The following ATP1A2 variants were observed in gnomAD, a reference collection of about 807,000 sequenced individuals.
ATP1A2 encodes the protein sodium/potassium-transporting ATPase subunit alpha-2.
A neutral mutation model predicts 113.1 loss-of-function variants in ATP1A2; 56 were observed. That is an observed-to-expected ratio of 0.49 (90% CI 0.40 to 0.62). ATP1A2 has a LOEUF of 0.62. Ranked by LOEUF, ATP1A2 falls within the 20% of genes least tolerant of loss-of-function variation. ATP1A2 has a pLI of 0.00. For synonymous variants in ATP1A2, 490 were observed against 526.8 expected, an observed-to-expected ratio of 0.93 and a Z score of 0.96; for missense variants, 712 against 1,357.8, an observed-to-expected ratio of 0.52 and a Z score of 7.47.
chr1:160,122,741 T>C (rs1651454530), intron 3 of ATP1A2, among the ~76,000 whole-genome samples: 1 of 152,068 alleles, frequency 6.6e-6, no homozygotes, highest in Non-Finnish European at 1.5e-5. Flanking sequence ...AAGGATTGCT[T>C]TAGCCCAGGG....
chr1:160,138,291 T>G (rs180831521), intron 20 of ATP1A2, among the ~76,000 whole-genome samples: 1 of 152,338 alleles, frequency 6.6e-6, no homozygotes. Flanking sequence ...CTTACTAATG[T>G]GTCATTCTTA....
intron 7 of ATP1A2, among the ~76,000 whole-genome samples, chr1:160,126,492 C>G (rs1401399784): frequency 3.3e-5 from 5 of 152,136 alleles, no homozygotes; most frequent in Admixed American, 3.3e-4. Flanking sequence ...GCTTTTGAGA[C>G]AAGATCTTGC....
rs866341226 is a variant in ATP1A2 at position 160,124,302 on chromosome 1, C to T, written c.502C>T (p.Leu168Phe). Residue 168 changes from leucine to phenylalanine, a missense_variant, in exon 6 of 23, where the codon CTT (leucine) becomes TTT (phenylalanine). Around this residue, in one of 6 missense-constraint regions of ATP1A2, gnomAD observed 99 missense variants for 180.4 expected, o/e 0.55. Transcript: ENST00000361216. ...SFKNMVPQQA[L>F]VIREGEKMQI... ...TGCCTGTGGCTCCCCACAGCAAGCC[C>T]TTGTGATCCGGGAGGGAGAGAAGAT... 6 of 1,603,204 alleles carry T rather than the reference C, an allele frequency of 3.7e-6. No homozygotes were observed. The highest frequency in any genetic ancestry group is 3.4e-5 in the South Asian group (3 of 89,150).
intron 13 of ATP1A2, among the ~76,000 whole-genome samples, chr1:160,131,332 T>G (rs1346162507): frequency 6.6e-6 from 1 of 152,198 alleles, no homozygotes; most frequent in Non-Finnish European, 1.5e-5. Context: ...ATTTTTCCTT[T>G]TTTACAAAGA....
intron 4 of ATP1A2, 58 bp from the exon 5 acceptor site, chr1:160,123,885 G>A: frequency 6.6e-7 from 1 of 1,509,386 alleles, no homozygotes. Flanking sequence ...CCAAGTGGCA[G>A]CTGCCCCTTT....
intron 22 of ATP1A2, 24 bp downstream of exon 22, chr1:160,140,008 A>G: frequency 6.2e-7 from 1 of 1,608,926 alleles, no homozygotes; most frequent in Non-Finnish European, 8.5e-7. Context: ...CATTCCCCCC[A>G]GCAAAGTGCA....
Position 160,123,228 on chromosome 1 carries a change from C to T in ATP1A2, c.193C>T (p.Arg65Trp), listed in dbSNP as rs121918619. The change falls in exon 4 of 23, where the codon CGG becomes TGG. Residue 65 changes from arginine to tryptophan, a missense_variant. Physicochemically the swap from Arg to Trp is moderately radical, Grantham distance 101. Transcript: ENST00000361216. ...VDLSKGLTNQ[R>W]AQDVLARDGP... ...GCTCCCTCAGGGCCTCACCAACCAG[C>T]GGGCTCAGGACGTTCTGGCTCGAGA... The T allele has an allele frequency of 8.1e-5, 130 of 1,614,074 alleles. No individual in the cohort carries two copies. The highest frequency in any genetic ancestry group is 1.6e-4 in the Middle Eastern group (1 of 6,080).
chr1:160,133,236 G>T (rs551782713), intron 13 of ATP1A2, among the ~76,000 whole-genome samples: 2 of 152,114 alleles, frequency 1.3e-5, no homozygotes, highest in African/African-American at 2.4e-5. Flanking sequence ...GGTCAACGGT[G>T]CCAAATGCCT....
At chr1:160,139,605 C>T in intron 20 of ATP1A2, 35 bp from the exon 21 acceptor site, 1 of 1,593,596 alleles carries the variant, frequency 6.3e-7, no homozygotes, top group Non-Finnish European at 8.6e-7. Context: ...TCCATGATCC[C>T]CCTTCACCTG....
Position 160,143,183 on chromosome 1 carries a change from G to A in ATP1A2, c.*1861G>A, listed in dbSNP as rs1300622185. ...CCAAAGGCTGTCATTTCATTGCACT[G>A]GAATTTTGCTTTATCAGAAGCAAGG... is the stretch of plus-strand genomic sequence containing the variant. On this transcript the variant is annotated 3_prime_UTR_variant, in exon 23 of 23. Coordinates refer to ENST00000361216, the MANE Select transcript of ATP1A2 (RefSeq NM_000702.4). 1 of 152,208 alleles carries A rather than the reference G, an allele frequency of 6.6e-6. No individual in the cohort carries two copies. 9.4% of individuals were successfully genotyped at this position (152,208 alleles called of 1,614,324 possible).
chr1:160,132,583 A>G (rs1651806316), intron 13 of ATP1A2, among the ~76,000 whole-genome samples: 1 of 152,192 alleles, frequency 6.6e-6, no homozygotes, highest in Non-Finnish European at 1.5e-5. Flanking sequence ...AAGATACAGG[A>G]GAGAAGGGGA....
At chr1:160,137,087 C>T in intron 20 of ATP1A2, 56 bp downstream of exon 20, 1 of 1,612,974 alleles carries the variant, frequency 6.2e-7, no homozygotes, top group Admixed American at 1.7e-5. Flanking sequence ...CACTCACCAA[C>T]CCACACAGGC....
rs549537428 is a variant in ATP1A2 at position 160,124,497 on chromosome 1, G to T, written c.630+67G>T. 16 of 1,555,552 alleles carry T rather than the reference G, an allele frequency of 1.0e-5. No homozygotes were observed. The Admixed American group carries it at 2.9e-4, about 28-fold the overall frequency. ...AAGGCTGTGTGCAGAGCTGAGAGGG[G>T]CCCAGTGAGGTTTAAAGGTGGAGAG... On this transcript the variant is annotated intron_variant, in intron 6 of 22. Transcript: ENST00000361216.
chr1:160,134,904 A>G (rs1236295553), intron 14 of ATP1A2, among the ~76,000 whole-genome samples: 1 of 152,228 alleles, frequency 6.6e-6, no homozygotes, highest in African/African-American at 2.4e-5. Flanking sequence ...GTGAGTAAAG[A>G]AACTAGCCCA....
rs72633673 is a variant in ATP1A2 at position 160,120,895 on chromosome 1, T to C, written c.13-11T>C. The C allele has an allele frequency of 1.4e-5, 1 of 73,886 alleles. No individual in the cohort carries two copies. The highest frequency in any genetic ancestry group is 2.9e-5 in the Non-Finnish European group (1 of 34,958). 4.6% of individuals were successfully genotyped at this position (73,886 alleles called of 1,614,324 possible). A position where few individuals can be genotyped will look rare whatever the true frequency, so the allele number is the denominator to read the frequency against. ...CTTCCCTGACTCTCTGGCTCTCCCTTCCTCCCTCAGGCTGGCCGTGAGTAC... is the reference window on the plus strand; with the variant it reads ...CTTCCCTGACTCTCTGGCTCTCCCTCCCTCCCTCAGGCTGGCCGTGAGTAC... On this transcript the variant is annotated splice_polypyrimidine_tract_variant and intron_variant, in intron 1 of 22. Transcript: ENST00000361216.
chr1:160,138,706 T>C (rs1403888470), intron 20 of ATP1A2, among the ~76,000 whole-genome samples: 1 of 152,092 alleles, frequency 6.6e-6, no homozygotes, highest in Non-Finnish European at 1.5e-5. Context: ...CAGGGCGTGG[T>C]GGCACACACC....
chr1:160,137,314 C>A, intron 20 of ATP1A2: 1 of 475,160 alleles, frequency 2.1e-6, no homozygotes, highest in Middle Eastern at 5.9e-4. Context: ...CTGCTCCTAT[C>A]CTTTGCCCAG....
chr1:160,136,898 C>T lies in ATP1A2; in HGVS notation c.2710-3C>T. On this transcript the variant is annotated splice_region_variant and splice_polypyrimidine_tract_variant and intron_variant, in intron 19 of 22. Coordinates refer to ENST00000361216, the MANE Select transcript of ATP1A2 (RefSeq NM_000702.4). Reference sequence around the variant, plus strand: ...CATCTGTCTCTGCCCACCCTCCCTCCAGACCTATGAGCAGCGGAAGGTGGT... The same window carrying T: ...CATCTGTCTCTGCCCACCCTCCCTCTAGACCTATGAGCAGCGGAAGGTGGT... 1 of 1,614,176 alleles carries T rather than the reference C, an allele frequency of 6.2e-7. No individual in the cohort carries two copies. Among genetic ancestry groups the T allele is most frequent in the Non-Finnish European group, 8.5e-7 (1 of 1,180,028 alleles).
In ATP1A2 at chr1:160,120,886, GCTCT is replaced by G; in HGVS notation, c.13-18_13-15del. ...AGCCCCTCTCTTCCCTGACTCTCTGGCTCTCCCTTCCTCCCTCAGGCTGGCCGTG... is the reference window on the plus strand; with the variant it reads ...AGCCCCTCTCTTCCCTGACTCTCTGGCCCTTCCTCCCTCAGGCTGGCCGTG... On this transcript the variant is annotated splice_polypyrimidine_tract_variant and intron_variant, in intron 1 of 22. Coordinates refer to ENST00000361216, the MANE Select transcript of ATP1A2 (RefSeq NM_000702.4). The G allele has an allele frequency of 6.7e-7, 1 of 1,483,688 alleles. No homozygotes were observed. The highest frequency in any genetic ancestry group is 9.0e-7 in the Non-Finnish European group (1 of 1,111,284). 91.9% of individuals were successfully genotyped at this position (1,483,688 alleles called of 1,614,324 possible). A position where few individuals can be genotyped will look rare whatever the true frequency, so the allele number is the denominator to read the frequency against.
Sources: allele counts gnomAD v4.1 joint callset (sites outside exome capture counted in the v4.1 genomes callset), GRCh38; gene constraint gnomAD v4.1.1; regional missense constraint gnomAD v4.1.1; transcripts MANE v1.5; gene names NCBI Gene and HGNC (gene_info 2026-07-23, HGNC 2026-07-21).